The following ARL15 variants were observed in gnomAD, a reference collection of about 807,000 sequenced individuals.
The protein encoded by ARL15 is ADP-ribosylation factor-like protein 15.
ARL15 carries 19 observed loss-of-function variants against 25.2 expected under a neutral mutation model. The ratio of observed to expected loss-of-function variants is 0.75; its 90% CI spans 0.53 to 1.10. ARL15 has a LOEUF of 1.10. Among genes scored for constraint, ARL15 ranks in the 50% least tolerant of loss-of-function variants. The pLI is 0.00. For synonymous variants in ARL15, 94 were observed against 86.8 expected, an observed-to-expected ratio of 1.08 and a Z score of -0.46; for missense variants, 220 against 246.0, an observed-to-expected ratio of 0.89 and a Z score of 0.71.
chr5:53,945,415 G>A (rs1477320293), intron 4 of ARL15, among the ~76,000 whole-genome samples: 1 of 152,146 alleles, frequency 6.6e-6, no homozygotes, highest in Non-Finnish European at 1.5e-5. Context: ...GTAATCTTTG[G>A]TTCGTTAACT....
At chr5:54,029,309 C>CACCACCACCAACACCACCACCACT (rs1749887889) in intron 4 of ARL15, among the ~76,000 whole-genome samples, 1 of 115,392 alleles carries the variant, frequency 8.7e-6, no homozygotes, top group East Asian at 2.4e-4. Context: ...AAACAGTTAC[C>CACCACCACCAACACCACCACCACT]ACCACCACCA....
At chr5:53,940,039 C>T (rs550686065) in intron 4 of ARL15, among the ~76,000 whole-genome samples, 28 of 149,684 alleles carry the variant, frequency 1.9e-4, no homozygotes, top group African/African-American at 6.9e-4. Context: ...AGTGCAGAGG[C>T]GCGATCTCGG....
At chr5:54,308,972 G>T (rs72757854) in intron 1 of ARL15, among the ~76,000 whole-genome samples, 39,879 of 152,048 alleles carry the variant, frequency 0.26, 6,878 homozygotes, top group Non-Finnish European at 0.36. Context: ...CAGACTGCAA[G>T]ACAAAAACCA....
At chr5:54,250,267 C>A (rs1757205077) in intron 1 of ARL15, among the ~76,000 whole-genome samples, 1 of 152,100 alleles carries the variant, frequency 6.6e-6, no homozygotes, top group South Asian at 2.1e-4. Flanking sequence ...CATAAGAAAT[C>A]CACCCCCACA....
intron 1 of ARL15, among the ~76,000 whole-genome samples, chr5:54,304,513 C>G (rs1579996447): frequency 6.6e-6 from 1 of 152,306 alleles, no homozygotes; most frequent in Non-Finnish European, 1.5e-5. Context: ...ATCAAGGTCC[C>G]TATGTGTCCT....
chr5:54,029,790 G>A (rs544468198), intron 4 of ARL15, among the ~76,000 whole-genome samples: 58 of 152,192 alleles, frequency 3.8e-4, no homozygotes, highest in African/African-American at 1.4e-3. Flanking sequence ...TCAGGAGATC[G>A]AGACCATCCT....
intron 4 of ARL15, among the ~76,000 whole-genome samples, chr5:54,076,406 G>A (rs1302117532): frequency 2.0e-5 from 3 of 150,490 alleles, no homozygotes; most frequent in Non-Finnish European, 4.4e-5. Context: ...GGGCGACAGA[G>A]CGAGACTCCG....
intron 4 of ARL15, among the ~76,000 whole-genome samples, chr5:54,102,990 T>C (rs1208007781): frequency 6.6e-6 from 1 of 152,184 alleles, no homozygotes; most frequent in Non-Finnish European, 1.5e-5. Flanking sequence ...ATGTAAACAT[T>C]ATAGCCCATA....
chr5:54,163,093 T>G (rs278064), intron 2 of ARL15, among the ~76,000 whole-genome samples: 1 of 151,810 alleles, frequency 6.6e-6, no homozygotes, highest in African/African-American at 2.4e-5. Context: ...ACTTTGTTAA[T>G]AGCTTTTGTC....
intron 4 of ARL15, among the ~76,000 whole-genome samples, chr5:54,064,434 A>G (rs369391409): frequency 2.6e-5 from 4 of 152,328 alleles, no homozygotes; most frequent in East Asian, 3.9e-4. Context: ...GTGACCATCA[A>G]TTGGGAATAA....
At chr5:53,989,986 C>A (rs1393679666) in intron 4 of ARL15, among the ~76,000 whole-genome samples, 1 of 152,070 alleles carries the variant, frequency 6.6e-6, no homozygotes, top group Non-Finnish European at 1.5e-5. Context: ...GTAATTCCAG[C>A]GCTTTGGGAG....
intron 4 of ARL15, among the ~76,000 whole-genome samples, chr5:53,892,180 A>G (rs1357954717): frequency 6.6e-6 from 1 of 152,258 alleles, no homozygotes; most frequent in Non-Finnish European, 1.5e-5. Context: ...ACAGAACTCA[A>G]TTTGAATAAA....
intron 4 of ARL15, among the ~76,000 whole-genome samples, chr5:54,027,008 A>G (rs1749803344): frequency 6.6e-6 from 1 of 152,176 alleles, no homozygotes; most frequent in Non-Finnish European, 1.5e-5. Flanking sequence ...GAAAATCTTA[A>G]GATTTTCTTT....
At chr5:54,307,566 ATTTGT>A (rs1350370565) in intron 1 of ARL15, among the ~76,000 whole-genome samples, 4 of 152,146 alleles carry the variant, frequency 2.6e-5, no homozygotes, top group South Asian at 4.1e-4. Context: ...TTCTGAGAAC[ATTTGT>A]TTTAAGAAAT....
At chr5:54,122,773 C>G (rs1200196454) in intron 3 of ARL15, among the ~76,000 whole-genome samples, 2 of 152,142 alleles carry the variant, frequency 1.3e-5, no homozygotes, top group African/African-American at 4.8e-5. Flanking sequence ...TGGGCTTTTT[C>G]TTAATAATTC....
chr5:53,892,630 C>T (rs985556027), intron 4 of ARL15, among the ~76,000 whole-genome samples: 16 of 150,578 alleles, frequency 1.1e-4, no homozygotes, highest in Non-Finnish European at 2.1e-4. Flanking sequence ...AGAAATAGGC[C>T]CTAGCTCTGT....
intron 4 of ARL15, among the ~76,000 whole-genome samples, chr5:54,010,978 C>T (rs1365283130): frequency 7.0e-6 from 1 of 143,688 alleles, no homozygotes; most frequent in African/African-American, 2.6e-5. Context: ...CCAGCCCGGG[C>T]GACAGAGCAA....
At chr5:54,182,473 A>C (rs1211076584) in intron 1 of ARL15, among the ~76,000 whole-genome samples, 2 of 151,364 alleles carry the variant, frequency 1.3e-5, no homozygotes, top group East Asian at 3.9e-4. Flanking sequence ...ATGCGGCGTT[A>C]TTTCTGAGGG....
At chr5:54,004,803 G>T (rs1433271459) in intron 4 of ARL15, among the ~76,000 whole-genome samples, 1 of 152,050 alleles carries the variant, frequency 6.6e-6, no homozygotes, top group Non-Finnish European at 1.5e-5. Flanking sequence ...GTGTGTGTGT[G>T]TGTGTAAGAG....
Sources: gnomAD v4.1 joint callset for allele counts (sites outside exome capture counted in the v4.1 genomes callset) on GRCh38, gnomAD v4.1.1 for gene constraint, MANE v1.5 for transcripts, NCBI Gene and HGNC (gene_info 2026-07-23, HGNC 2026-07-21) for gene names.